Variants in RPRD1A observed in about 807,000 individuals in gnomAD.
The protein encoded by RPRD1A is regulation of nuclear pre-mRNA domain-containing protein 1A.
A neutral mutation model predicts 37.8 loss-of-function variants in RPRD1A; 9 were observed. That is an observed-to-expected ratio of 0.24 (90% CI 0.14 to 0.42). The LOEUF is 0.42. Ranked by LOEUF, RPRD1A falls within the 10% of genes least tolerant of loss-of-function variation. The pLI is 1.00. For missense variants in RPRD1A, 255 were observed against 371.0 expected (o/e 0.69, Z 2.57); for synonymous variants, 138 against 139.7 (o/e 0.99, Z 0.08).
At chr18:36,062,821 G>A (rs992947781) in intron 1 of RPRD1A, among the ~76,000 whole-genome samples, 1 of 152,166 alleles carries the variant, frequency 6.6e-6, no homozygotes, top group Non-Finnish European at 1.5e-5. Flanking sequence ...TAAATGGCAT[G>A]GAGTTTCTTT....
chr18:36,011,314 T>C (rs1428649838), intron 6 of RPRD1A, among the ~76,000 whole-genome samples: 2 of 152,058 alleles, frequency 1.3e-5, no homozygotes, highest in African/African-American at 4.8e-5. Flanking sequence ...TGCTCCAGAG[T>C]CCCCACTCTT....
intron 6 of RPRD1A, among the ~76,000 whole-genome samples, chr18:36,024,606 A>G (rs1187187418): frequency 6.6e-6 from 1 of 152,214 alleles, no homozygotes; most frequent in Non-Finnish European, 1.5e-5. Context: ...GAAATGGCCA[A>G]TTCCCGAACT....
chr18:36,030,686 C>T (rs1355644389), intron 4 of RPRD1A, 122 bp downstream of exon 4: 3 of 613,452 alleles, frequency 4.9e-6, no homozygotes, highest in East Asian at 2.8e-5. Context: ...ATTCATGTGG[C>T]TTCTTTCTTG....
At chr18:36,028,789 C>T (rs550264974) in intron 4 of RPRD1A, among the ~76,000 whole-genome samples, 1 of 152,252 alleles carries the variant, frequency 6.6e-6, no homozygotes, top group South Asian at 2.1e-4. Flanking sequence ...AAAGCTGAAC[C>T]ATTGATAATT....
intron 6 of RPRD1A, among the ~76,000 whole-genome samples, chr18:36,000,740 G>A (rs1406480026): frequency 1.3e-5 from 2 of 152,102 alleles, no homozygotes; most frequent in African/African-American, 4.8e-5. Context: ...ATGTATTATA[G>A]ATGATGAAAC....
At chr18:36,049,379 G>A (rs1313329626) in intron 1 of RPRD1A, among the ~76,000 whole-genome samples, 1 of 152,096 alleles carries the variant, frequency 6.6e-6, no homozygotes, top group African/African-American at 2.4e-5. Flanking sequence ...TAACACAGGT[G>A]TTACAGGCAC....
At chr18:36,024,564 C>T (rs1475331023) in intron 6 of RPRD1A, among the ~76,000 whole-genome samples, 3 of 152,152 alleles carry the variant, frequency 2.0e-5, no homozygotes, top group African/African-American at 7.2e-5. Flanking sequence ...ATTCATTACA[C>T]ATGCTTTAAT....
chr18:36,055,430 A>T (rs1913693891), intron 1 of RPRD1A, among the ~76,000 whole-genome samples: 1 of 152,220 alleles, frequency 6.6e-6, no homozygotes, highest in Admixed American at 6.5e-5. Context: ...TACGAGAATC[A>T]AGTAAGATAC....
At chr18:36,036,834 A>C (rs760923695) in intron 1 of RPRD1A, among the ~76,000 whole-genome samples, 9 of 152,236 alleles carry the variant, frequency 5.9e-5, no homozygotes, top group Non-Finnish European at 1.3e-4. Flanking sequence ...AAACCATGTC[A>C]TAATTCCACA....
chr18:36,049,811 G>C (rs977062894), intron 1 of RPRD1A, among the ~76,000 whole-genome samples: 1 of 152,106 alleles, frequency 6.6e-6, no homozygotes, highest in Non-Finnish European at 1.5e-5. Flanking sequence ...TTGAGTCCTG[G>C]CTTTATTCTT....
chr18:36,063,627 A>C (rs1419551745), intron 1 of RPRD1A, among the ~76,000 whole-genome samples: 1 of 152,224 alleles, frequency 6.6e-6, no homozygotes, highest in African/African-American at 2.4e-5. Flanking sequence ...TTTCATAATT[A>C]TTCTGCAGAA....
At chr18:36,055,285 AC>A (rs1367404006) in intron 1 of RPRD1A, among the ~76,000 whole-genome samples, 1 of 152,268 alleles carries the variant, frequency 6.6e-6, no homozygotes, top group African/African-American at 2.4e-5. Flanking sequence ...CTTTAACTGG[AC>A]CAAAGTGTGC....
chr18:35,995,180 C>T (rs903914438), intron 6 of RPRD1A, among the ~76,000 whole-genome samples: 3 of 151,964 alleles, frequency 2.0e-5, no homozygotes, highest in African/African-American at 7.3e-5. Flanking sequence ...CTGAACAATA[C>T]CACTCACATC....
At position 36,033,299 on chromosome 18, in the gene RPRD1A, C is replaced by CCA. The variant is rs1348356259; in HGVS notation, c.281+408_281+409insTG. Among the ~76,000 whole-genome samples the CCA allele has an allele frequency of 1.3e-3, 102 of 75,918 alleles. 3 individuals carry two copies. The highest frequency in any genetic ancestry group is 5.4e-3 in the African/African-American group (92 of 17,182). 49.8% of individuals were successfully genotyped at this position (75,918 alleles called of 152,430 possible). A position where few individuals can be genotyped will look rare whatever the true frequency, so the allele number is the denominator to read the frequency against. ...CCTGGGTGAGAGTGAGACTCTGTCT[C>CCA]AAAAAAAAAAAAAAAAAAAAAAAAA... On this transcript the variant is annotated intron_variant, in intron 2 of 6. Transcript: ENST00000399022.
chr18:36,065,441 A>C (rs2144445130), intron 1 of RPRD1A, among the ~76,000 whole-genome samples: 1 of 152,320 alleles, frequency 6.6e-6, no homozygotes, highest in Non-Finnish European at 1.5e-5. Flanking sequence ...TCCATTCTCA[A>C]ACTAATGGAA....
At position 36,033,299 on chromosome 18, in the gene RPRD1A, C is replaced by CCAAAAAAAAA. The variant is rs1348356259; in HGVS notation, c.281+408_281+409insTTTTTTTTTG. ...CCTGGGTGAGAGTGAGACTCTGTCTCAAAAAAAAAAAAAAAAAAAAAAAAA... is the reference window on the plus strand; with the variant it reads ...CCTGGGTGAGAGTGAGACTCTGTCTCCAAAAAAAAAAAAAAAAAAAAAAAAAAAAAAAAAA... On this transcript the variant is annotated intron_variant, in intron 2 of 6. Transcript: ENST00000399022. Among the ~76,000 whole-genome samples, 47 of 75,920 alleles carry CCAAAAAAAAA rather than the reference C, an allele frequency of 6.2e-4. 2 individuals carry two copies. Among genetic ancestry groups the CCAAAAAAAAA allele is most frequent in the African/African-American group, 2.6e-3 (45 of 17,180 alleles). The allele number at this position is 75,920 out of a possible 152,430, so 49.8% of individuals were successfully genotyped here. A position where few individuals can be genotyped will look rare whatever the true frequency, so the allele number is the denominator to read the frequency against.
At chr18:36,034,875 G>A (rs903860219) in intron 1 of RPRD1A, among the ~76,000 whole-genome samples, 10 of 152,128 alleles carry the variant, frequency 6.6e-5, no homozygotes, top group African/African-American at 1.9e-4. Flanking sequence ...CATCATTCTC[G>A]AGGAGCAACC....
chr18:35,997,577 A>G (rs1909150874), intron 6 of RPRD1A, among the ~76,000 whole-genome samples: 1 of 152,224 alleles, frequency 6.6e-6, no homozygotes, highest in Non-Finnish European at 1.5e-5. Flanking sequence ...AAAGCAGAGA[A>G]TGTAAATAAA....
chr18:36,029,899 A>T lies in RPRD1A; in HGVS notation c.486+909T>A, dbSNP rs9967297. 9.8e-3 allele frequency among the ~76,000 whole-genome samples: 1,489 copies of T among 151,406 alleles called. 25 individuals carry two copies. The highest frequency in any genetic ancestry group is 0.034 in the African/African-American group (1,414 of 41,278). On this transcript the variant is annotated intron_variant, in intron 4 of 6. Transcript: ENST00000399022. ...CGGTTCACTGCAAGCTCCGCCTCCCAGGTTCACGCCATTCTCCTGCCTCAG... is the reference window on the plus strand; with the variant it reads ...CGGTTCACTGCAAGCTCCGCCTCCCTGGTTCACGCCATTCTCCTGCCTCAG...
Sources: gnomAD v4.1 joint callset for allele counts (sites outside exome capture counted in the v4.1 genomes callset) on GRCh38, gnomAD v4.1.1 for gene constraint, MANE v1.5 for transcripts, NCBI Gene and HGNC (gene_info 2026-07-23, HGNC 2026-07-21) for gene names.